Variants in DNAJC8 observed in about 807,000 individuals in gnomAD.
The protein encoded by DNAJC8 is DnaJ heat shock protein family (Hsp40) member C8, also known as dnaJ homolog subfamily C member 8.
In DNAJC8, 24 loss-of-function variants were observed where a neutral mutation model predicts 43.2. That is an observed-to-expected ratio of 0.56 (90% CI 0.40 to 0.78). DNAJC8 has a LOEUF of 0.78. Among genes scored for constraint, DNAJC8 ranks in the 30% least tolerant of loss-of-function variants. The pLI, the probability that DNAJC8 is intolerant of heterozygous loss-of-function variation, is 0.00. For missense variants in DNAJC8, 207 were observed against 299.4 expected, an observed-to-expected ratio of 0.69 and a Z score of 2.28; for synonymous variants, 83 against 98.0, an observed-to-expected ratio of 0.85 and a Z score of 0.90.
intron 2 of DNAJC8, among the ~76,000 whole-genome samples, chr1:28,216,051 G>A (rs1379898932): frequency 1.3e-5 from 2 of 151,880 alleles, no homozygotes; most frequent in African/African-American, 4.8e-5. Flanking sequence ...AATGTTTTTA[G>A]AGATGGGGTC....
intron 2 of DNAJC8, among the ~76,000 whole-genome samples, chr1:28,225,349 T>C (rs952637840): frequency 2.0e-5 from 3 of 151,504 alleles, no homozygotes; most frequent in Non-Finnish European, 4.4e-5. Flanking sequence ...TTTGAAATAT[T>C]TGTTAATCTG....
At chr1:28,215,654 A>C (rs7541458) in intron 2 of DNAJC8, among the ~76,000 whole-genome samples, 151,874 of 151,876 alleles carry the variant, frequency 1, 75,936 homozygotes, top group Non-Finnish European at 1. Context: ...TTTCCTGCCT[A>C]AGCCTCCTGA....
intron 2 of DNAJC8, among the ~76,000 whole-genome samples, chr1:28,227,528 G>T (rs1164661301): frequency 6.6e-6 from 1 of 151,722 alleles, no homozygotes; most frequent in African/African-American, 2.4e-5. Flanking sequence ...GGAGTTCAAG[G>T]GTGCAGTAAG....
In DNAJC8 at chr1:28,202,827, C is replaced by G. The variant is rs184818172; in HGVS notation, c.639+920G>C. Among the ~76,000 whole-genome samples the G allele has an allele frequency of 8.5e-5, 13 of 152,208 alleles. No homozygotes were observed. The East Asian group carries it at 2.3e-3, about 27-fold the overall frequency. On this transcript the variant is annotated intron_variant, in intron 8 of 8. Coordinates refer to ENST00000263697, the MANE Select transcript of DNAJC8 (RefSeq NM_014280.3). ...TCAATCTCCTGACCTCATGATCTGCCCGCCTTGGCCTCCCAAAGTGCTGGG... is the reference window on the plus strand; with the variant it reads ...TCAATCTCCTGACCTCATGATCTGCGCGCCTTGGCCTCCCAAAGTGCTGGG...
chr1:28,209,153 C>G (rs891746398), intron 5 of DNAJC8, among the ~76,000 whole-genome samples: 4 of 152,206 alleles, frequency 2.6e-5, no homozygotes, highest in Non-Finnish European at 5.9e-5. Context: ...CCTATTTCTA[C>G]CAGGATAGGG....
chr1:28,204,378 C>T (rs201650432), intron 7 of DNAJC8, among the ~76,000 whole-genome samples: 1 of 151,894 alleles, frequency 6.6e-6, no homozygotes, highest in African/African-American at 2.4e-5. Flanking sequence ...GTCAGGAGTT[C>T]GAGACCAGCC....
At chr1:28,221,760 C>A (rs1646899823) in intron 2 of DNAJC8, among the ~76,000 whole-genome samples, 1 of 152,136 alleles carries the variant, frequency 6.6e-6, no homozygotes, top group South Asian at 2.1e-4. Context: ...TCCCCAAAAT[C>A]ATATCAAAAG....
At chr1:28,220,690 C>G (rs1173385777) in intron 2 of DNAJC8, among the ~76,000 whole-genome samples, 1 of 152,200 alleles carries the variant, frequency 6.6e-6, no homozygotes, top group Non-Finnish European at 1.5e-5. Context: ...AAATTTCTAA[C>G]ACATGAATTT....
intron 5 of DNAJC8, 114 bp downstream of exon 5, chr1:28,209,858 G>A: frequency 1.2e-6 from 1 of 860,370 alleles, no homozygotes; most frequent in Non-Finnish European, 1.9e-6. Context: ...AGAGAGCACA[G>A]AAGTAGCCAC....
intron 7 of DNAJC8, 30 bp from the exon 8 acceptor site, chr1:28,203,852 T>C: frequency 6.2e-7 from 1 of 1,607,022 alleles, no homozygotes; most frequent in Non-Finnish European, 8.5e-7. Flanking sequence ...ATAGTATTTA[T>C]ATGATACTTA....
At chr1:28,229,660 G>C (rs1646960480) in intron 1 of DNAJC8, among the ~76,000 whole-genome samples, 1 of 151,952 alleles carries the variant, frequency 6.6e-6, no homozygotes, top group Non-Finnish European at 1.5e-5. Flanking sequence ...TGTAGTCCCA[G>C]CTACTTGGGA....
chr1:28,212,054 G>A (rs775076825), intron 3 of DNAJC8, among the ~76,000 whole-genome samples: 4 of 150,472 alleles, frequency 2.7e-5, no homozygotes, highest in Non-Finnish European at 4.4e-5. Flanking sequence ...TACTCAGGAC[G>A]CTGAGGCAAG....
chr1:28,215,026 A>G (rs1207743253), intron 2 of DNAJC8, 30 bp from the exon 3 acceptor site: 1 of 1,577,732 alleles, frequency 6.3e-7, no homozygotes, highest in African/African-American at 1.4e-5. Flanking sequence ...AACCATAAAA[A>G]AGGTGAAAAT....
chr1:28,233,004 C>G lies in DNAJC8; in HGVS notation c.-6G>C, dbSNP rs1202632607. 1 of 1,611,370 alleles carries G rather than the reference C, an allele frequency of 6.2e-7. No homozygotes were observed. The highest frequency in any genetic ancestry group is 2.2e-5 in the East Asian group (1 of 44,860). ...CTCTCTCCTGAAGCCGCCATTTCCC[C>G]GGCCCAGCCACCACGTGACCCTTCT... On this transcript the variant is annotated 5_prime_UTR_variant, in exon 1 of 9. Coordinates refer to ENST00000263697, the MANE Select transcript of DNAJC8 (RefSeq NM_014280.3).
chr1:28,210,560 T>C lies in DNAJC8; in HGVS notation c.304+11A>G. ...AATCTAATACTCAGAAGCAGGTAAATTTACAAATACCTTCAAAAGCCTTTT... is the reference window on the plus strand; with the variant it reads ...AATCTAATACTCAGAAGCAGGTAAACTTACAAATACCTTCAAAAGCCTTTT... On this transcript the variant is annotated intron_variant, in intron 4 of 8. Transcript: ENST00000263697. 1 of 1,612,930 alleles carries C rather than the reference T, an allele frequency of 6.2e-7. No homozygotes were observed. Among genetic ancestry groups the C allele is most frequent in the South Asian group, 1.1e-5 (1 of 91,026 alleles).
chr1:28,203,678 C>G, intron 8 of DNAJC8, 69 bp downstream of exon 8: 1 of 1,496,506 alleles, frequency 6.7e-7, no homozygotes, highest in Non-Finnish European at 9.3e-7. Flanking sequence ...CCACTCAGTC[C>G]TGGGAGCGCC....
Position 28,210,014 on chromosome 1 carries a change from G to A in DNAJC8, c.357C>T (p.Ala119=), listed in dbSNP as rs1295954519. The change falls in exon 5 of 9, where the codon GCC becomes GCT. Residue 119 remains alanine (A), a synonymous_variant. Coordinates refer to ENST00000263697, the MANE Select transcript of DNAJC8 (RefSeq NM_014280.3). Reference sequence around the variant, plus strand: ...CTTTTCCTGCCTGAATTACATCCAGGGCCCTCTTCTTTTGCTCCTGATCCA... The same window carrying A: ...CTTTTCCTGCCTGAATTACATCCAGAGCCCTCTTCTTTTGCTCCTGATCCA... The part of the protein sequence containing the change: ...LLLDQEQKKR[A]LDVIQAGKEY... 1.9e-6 allele frequency: 3 copies of A among 1,613,816 alleles called. No individual in the cohort carries two copies. The highest frequency in any genetic ancestry group is 1.3e-5 in the African/African-American group (1 of 74,862).
At chr1:28,211,686 T>C (rs2149017059) in intron 3 of DNAJC8, among the ~76,000 whole-genome samples, 1 of 152,318 alleles carries the variant, frequency 6.6e-6, no homozygotes, top group South Asian at 2.1e-4. Flanking sequence ...AAACCTCTAC[T>C]AGACTGGGTT....
At position 28,208,370 on chromosome 1, in the gene DNAJC8, G is replaced by A. The variant is rs1646785303; in HGVS notation, c.443C>T (p.Thr148Ile). 1 of 1,613,086 alleles carries A rather than the reference G, an allele frequency of 6.2e-7. No homozygotes were observed. The highest frequency in any genetic ancestry group is 1.7e-4 in the Middle Eastern group (1 of 6,054). ...CTCAGGATCATCCTCCTCTACAATT[G>A]TAGGTTTTCCTTCCTTCTTTAATTG... ...KKQLKKEGKPTIVEEDDPELF... is the reference protein window; with the variant it reads ...KKQLKKEGKPIIVEEDDPELF... Residue 148 changes from threonine to isoleucine, a missense_variant, in exon 6 of 9, where the codon ACA becomes ATA. By Grantham distance (89) the Thr-to-Ile change is moderately conservative. This residue lies in a region of DNAJC8 where 159 missense variants were observed against 267.5 expected (regional missense o/e 0.59). Transcript: ENST00000263697.
Sources: gnomAD v4.1 joint callset for allele counts (sites outside exome capture counted in the v4.1 genomes callset) on GRCh38, gnomAD v4.1.1 for gene constraint, gnomAD v4.1.1 regional missense constraint, MANE v1.5 for transcripts, NCBI Gene and HGNC (gene_info 2026-07-23, HGNC 2026-07-21) for gene names.